MAN1A1: variants seen among roughly 807,000 people sequenced by gnomAD.
MAN1A1 encodes mannosyl-oligosaccharide 1,2-alpha-mannosidase IA.
A neutral mutation model predicts 70.8 loss-of-function variants in MAN1A1; 29 were observed. The observed-to-expected ratio is 0.41, with a 90% CI of 0.31 to 0.56. The LOEUF is 0.56. Ranked by LOEUF, MAN1A1 falls within the 20% of genes least tolerant of loss-of-function variation. MAN1A1 has a pLI of 0.29. For synonymous variants in MAN1A1, 349 were observed against 330.1 expected (o/e 1.06, Z -0.62); for missense variants, 747 against 841.3 (o/e 0.89, Z 1.39).
At chr6:119,203,189 T>C (rs955035243) in intron 7 of MAN1A1, among the ~76,000 whole-genome samples, 3 of 152,214 alleles carry the variant, frequency 2.0e-5, no homozygotes, top group Non-Finnish European at 4.4e-5. Context: ...ATTTTTGTTA[T>C]GGTAACCCGA....
intron 6 of MAN1A1, among the ~76,000 whole-genome samples, chr6:119,222,871 C>T (rs1234456653): frequency 6.6e-6 from 1 of 152,138 alleles, no homozygotes; most frequent in Admixed American, 6.5e-5. Context: ...AATCTCTCTC[C>T]TTCCTGACCT....
chr6:119,329,728 C>T (rs1186263531), intron 2 of MAN1A1, among the ~76,000 whole-genome samples: 3 of 152,134 alleles, frequency 2.0e-5, no homozygotes, highest in Admixed American at 6.5e-5. Flanking sequence ...TCTCATTGCC[C>T]CTTGTCATCC....
intron 2 of MAN1A1, among the ~76,000 whole-genome samples, chr6:119,334,753 C>T (rs919115089): frequency 2.6e-5 from 4 of 152,188 alleles, no homozygotes; most frequent in African/African-American, 9.7e-5. Context: ...GTGGATACAT[C>T]CTAAAATGAA....
At chr6:119,188,635 A>G (rs1773356243) in intron 10 of MAN1A1, 58 bp from the exon 11 acceptor site, 18 of 1,455,750 alleles carry the variant, frequency 1.2e-5, no homozygotes, top group Admixed American at 1.9e-5. Flanking sequence ...CTTACAGTCA[A>G]TAACTTAAAT....
intron 2 of MAN1A1, among the ~76,000 whole-genome samples, chr6:119,313,052 A>C (rs1352745394): frequency 4.6e-5 from 7 of 152,130 alleles, no homozygotes. Context: ...TAAACAGATA[A>C]GGGAGAACTT....
upstream of MAN1A1, chr6:119,350,378 TG>T: frequency 4.1e-6 from 1 of 245,922 alleles, no homozygotes; most frequent in African/African-American, 2.3e-5. Flanking sequence ...TTGAGCTCTC[TG>T]GTATAACATC....
chr6:119,340,776 G>A (rs1341031089), intron 2 of MAN1A1, among the ~76,000 whole-genome samples: 2 of 152,288 alleles, frequency 1.3e-5, no homozygotes, highest in Admixed American at 1.3e-4. Context: ...AAGACAGGAC[G>A]ATCTAATTAG....
intron 2 of MAN1A1, among the ~76,000 whole-genome samples, chr6:119,316,057 C>T (rs1772844031): frequency 3.3e-5 from 5 of 152,092 alleles, no homozygotes; most frequent in Admixed American, 2.0e-4. Flanking sequence ...CCTGTGGTGA[C>T]AGGTGATCTC....
In MAN1A1 at chr6:119,349,006, C is replaced by G; in HGVS notation, c.60G>C (p.Gly20=). The G allele has an allele frequency of 1.4e-6, 2 of 1,404,502 alleles. No homozygotes were observed. Among genetic ancestry groups the G allele is most frequent in the Non-Finnish European group, 1.9e-6 (2 of 1,074,800 alleles). 87.0% of individuals were successfully genotyped at this position (1,404,502 alleles called of 1,614,324 possible). Residue 20 remains glycine (G), a synonymous_variant, in exon 2 of 13, where the codon GGG becomes GGC. Coordinates refer to ENST00000368468, the MANE Select transcript of MAN1A1 (RefSeq NM_005907.4). ...FSSPAGGVLG[G]GLGGGGGRKG... ...TCCTGCCACCGCCGCCGCCGAGCCC[C>G]CCGCCCAGGACGCCGCCCGCGGGGC...
At chr6:119,180,556 T>C in intron 11 of MAN1A1, 129 bp from the exon 12 acceptor site, 2 of 574,502 alleles carry the variant, frequency 3.5e-6, no homozygotes, top group East Asian at 3.0e-5. Flanking sequence ...CTCTGTTGCC[T>C]GGGCGGAGTA....
At chr6:119,242,978 T>C (rs1775052381) in intron 6 of MAN1A1, among the ~76,000 whole-genome samples, 1 of 151,910 alleles carries the variant, frequency 6.6e-6, no homozygotes, top group East Asian at 1.9e-4. Flanking sequence ...AAAATCCAAC[T>C]GGGGGAAGAA....
At chr6:119,216,156 C>A (rs138981359) in intron 6 of MAN1A1, among the ~76,000 whole-genome samples, 6 of 152,252 alleles carry the variant, frequency 3.9e-5, no homozygotes, top group Admixed American at 3.3e-4. Context: ...CCAGATCAAG[C>A]GTTTCAATTT....
intron 5 of MAN1A1, among the ~76,000 whole-genome samples, chr6:119,248,617 G>A (rs370109825): frequency 2.0e-5 from 3 of 152,166 alleles, no homozygotes; most frequent in African/African-American, 7.2e-5. Context: ...TGATGTGAAC[G>A]TCTTACTCTT....
At position 119,348,966 on chromosome 6, in the gene MAN1A1, C is replaced by T; in HGVS notation, c.100G>A (p.Ala34Thr). The part of the protein sequence containing the change: ...GGGGRKGSGP[A>T]ALRLTEKFVL... The stretch of plus-strand genomic sequence containing the variant: ...AACTTCTCCGTCAGGCGGAGGGCGG[C>T]GGGGCCCGACCCCTTCCTGCCACCG... The change falls in exon 2 of 13, where the codon GCC (alanine) becomes ACC (threonine). Residue 34 changes from alanine to threonine, a missense_variant. Transcript: ENST00000368468. The T allele has an allele frequency of 1.3e-6, 2 of 1,517,730 alleles. No individual in the cohort carries two copies. The highest frequency in any genetic ancestry group is 1.8e-6 in the Non-Finnish European group (2 of 1,132,024). The allele number at this position is 1,517,730 out of a possible 1,614,324, so 94.0% of individuals were successfully genotyped here.
chr6:119,335,520 C>G (rs750665489), intron 2 of MAN1A1, among the ~76,000 whole-genome samples: 3 of 152,196 alleles, frequency 2.0e-5, no homozygotes, highest in Non-Finnish European at 4.4e-5. Flanking sequence ...TTGTCAAATT[C>G]TGGGCCACGG....
Position 119,308,357 on chromosome 6 carries a change from G to A in MAN1A1, c.604-1365C>T, listed in dbSNP as rs80308154. ...TTGATCTTTCAACAATCAAAAGAAT[G>A]TGTATATGGTAGTGTTTTCAGGATT... is the stretch of plus-strand genomic sequence containing the variant. On this transcript the variant is annotated intron_variant, in intron 2 of 12. Coordinates refer to ENST00000368468, the MANE Select transcript of MAN1A1 (RefSeq NM_005907.4). 5.9e-3 allele frequency among the ~76,000 whole-genome samples: 893 copies of A among 152,252 alleles called. 29 individuals are homozygous for A. The East Asian group carries it at 0.09, about 15-fold the overall frequency.
chr6:119,273,458 C>T (rs780317204), intron 5 of MAN1A1, among the ~76,000 whole-genome samples: 1 of 152,138 alleles, frequency 6.6e-6, no homozygotes, highest in Non-Finnish European at 1.5e-5. Context: ...TTAATGGCTG[C>T]ATATTACTCT....
intron 2 of MAN1A1, among the ~76,000 whole-genome samples, chr6:119,341,249 A>C (rs1773587576): frequency 6.6e-6 from 1 of 152,164 alleles, no homozygotes; most frequent in African/African-American, 2.4e-5. Context: ...GGAATTAGCC[A>C]GTATTGCTTT....
intron 9 of MAN1A1, among the ~76,000 whole-genome samples, chr6:119,190,118 C>T (rs1291877007): frequency 6.6e-6 from 1 of 152,208 alleles, no homozygotes. Context: ...TTTGGTTTTG[C>T]TTGGTTCTGT....
Sources: gnomAD v4.1 joint callset for allele counts (sites outside exome capture counted in the v4.1 genomes callset) on GRCh38, gnomAD v4.1.1 for gene constraint, MANE v1.5 for transcripts, NCBI Gene and HGNC (gene_info 2026-07-23, HGNC 2026-07-21) for gene names.